Variants in IMPG1 observed in about 807,000 individuals in gnomAD.
IMPG1 encodes the protein interphotoreceptor matrix proteoglycan of 150 kDa.
IMPG1 carries 85 observed loss-of-function variants against 92.0 expected under a neutral mutation model. That is an observed-to-expected ratio of 0.92 (90% CI 0.78 to 1.11). The LOEUF (loss-of-function observed/expected upper bound fraction) is 1.11. IMPG1 is among the 50% of genes least tolerant of loss of function. IMPG1 has a pLI of 0.00. For missense variants in IMPG1, 1,022 were observed against 956.0 expected, an observed-to-expected ratio of 1.07 and a Z score of -0.91; for synonymous variants, 367 against 334.1, an observed-to-expected ratio of 1.10 and a Z score of -1.08.
chr6:76,054,558 G>C (rs1403298016), intron 1 of IMPG1, among the ~76,000 whole-genome samples: 1 of 152,092 alleles, frequency 6.6e-6, no homozygotes, highest in African/African-American at 2.4e-5. Context: ...ATGGAAAAAA[G>C]TTATAATAGA....
intron 15 of IMPG1, chr6:75,928,735 C>T (rs562103347): frequency 9.8e-4 from 150 of 152,310 alleles, no homozygotes; most frequent in African/African-American, 3.4e-3. Context: ...ATCTATTCCA[C>T]ATTTTTATTA....
Position 75,997,499 on chromosome 6 carries a change from A to G in IMPG1, c.1291+5419T>C, listed in dbSNP as rs534833856. On this transcript the variant is annotated intron_variant, in intron 12 of 16. Transcript: ENST00000369950. The stretch of plus-strand genomic sequence containing the variant: ...TTCCCTGCATACCTACGTTTAATCA[A>G]TGTGGTAGTGGGTACATCACATGAG... Among the ~76,000 whole-genome samples the G allele has an allele frequency of 1.6e-4, 25 of 152,298 alleles. No individual in the cohort carries two copies. The South Asian group carries it at 4.3e-3, about 26-fold the overall frequency.
chr6:76,012,378 A>T (rs1170998353), intron 7 of IMPG1, among the ~76,000 whole-genome samples: 1 of 151,938 alleles, frequency 6.6e-6, no homozygotes, highest in African/African-American at 2.4e-5. Context: ...CTCCATCTTC[A>T]TTGCTCCACC....
chr6:76,064,794 C>G (rs554266680), intron 1 of IMPG1, among the ~76,000 whole-genome samples: 2 of 152,144 alleles, frequency 1.3e-5, no homozygotes, highest in African/African-American at 4.8e-5. Flanking sequence ...CTGGCTCTTA[C>G]CAGTAAGTAA....
chr6:75,951,960 AT>A (rs1554228460), intron 12 of IMPG1, among the ~76,000 whole-genome samples: 1 of 152,016 alleles, frequency 6.6e-6, no homozygotes, highest in Non-Finnish European at 1.5e-5. Flanking sequence ...AATAATAATA[AT>A]AATAAAATAC....
chr6:76,065,659 T>C lies in IMPG1; in HGVS notation c.67+6763A>G, dbSNP rs111401105. Among the ~76,000 whole-genome samples the C allele has an allele frequency of 3.6e-3, 547 of 152,188 alleles. 4 individuals are homozygous for C. The highest frequency in any genetic ancestry group is 0.013 in the African/African-American group (521 of 41,568). On this transcript the variant is annotated intron_variant, in intron 1 of 16. Coordinates refer to ENST00000369950, the MANE Select transcript of IMPG1 (RefSeq NM_001563.4). Reference sequence around the variant, plus strand: ...AGTAAAAGGATTGGAAAATATAATTTAGGAAATTCAGGAAAACTTCCCTAA... The same window carrying C: ...AGTAAAAGGATTGGAAAATATAATTCAGGAAATTCAGGAAAACTTCCCTAA...
chr6:75,971,330 A>AC (rs1782411321), intron 12 of IMPG1, among the ~76,000 whole-genome samples: 2 of 88,780 alleles, frequency 2.3e-5, no homozygotes, highest in South Asian at 8.8e-4. Context: ...GGGTCGGGGG[A>AC]GGGGGGAGGG....
chr6:75,996,919 C>T (rs1401855132), intron 12 of IMPG1, among the ~76,000 whole-genome samples: 2 of 152,134 alleles, frequency 1.3e-5, no homozygotes, highest in Non-Finnish European at 2.9e-5. Context: ...TTCAAAAAGG[C>T]AGATGGAATA....
chr6:75,962,814 G>T (rs1485336876), intron 12 of IMPG1, among the ~76,000 whole-genome samples: 1 of 152,206 alleles, frequency 6.6e-6, no homozygotes, highest in Admixed American at 6.5e-5. Flanking sequence ...GCTGAGGCAG[G>T]TGGATCATCT....
intron 1 of IMPG1, among the ~76,000 whole-genome samples, chr6:76,053,147 C>T (rs1164659937): frequency 1.3e-5 from 2 of 152,156 alleles, no homozygotes; most frequent in African/African-American, 4.8e-5. Flanking sequence ...TTTTTGGAAA[C>T]CATCTCCATA....
rs796445096 is a variant in IMPG1 at position 75,974,361 on chromosome 6, TTC to T, written c.1292-23269_1292-23268del. On this transcript the variant is annotated intron_variant, in intron 12 of 16. Coordinates refer to ENST00000369950, the MANE Select transcript of IMPG1 (RefSeq NM_001563.4). ...TTTCTTTCTTTCTTTCTTTCTTTCT[TTC>T]TTTCTTTCTTTCTTTCTTTCTTTCT... Among the ~76,000 whole-genome samples, 495 of 125,566 alleles carry T rather than the reference TTC, an allele frequency of 3.9e-3. 19 individuals are homozygous for T. In the East Asian group the frequency reaches 0.065, roughly 16 times the overall value. The allele number at this position is 125,566 out of a possible 152,430, so 82.4% of individuals were successfully genotyped here.
intron 2 of IMPG1, among the ~76,000 whole-genome samples, chr6:76,039,905 A>C (rs1474279975): frequency 6.6e-6 from 1 of 152,254 alleles, no homozygotes; most frequent in Non-Finnish European, 1.5e-5. Context: ...AGCCCTGGGA[A>C]ATGAAATAAT....
Position 76,041,933 on chromosome 6 carries a change from T to C in IMPG1, c.261A>G (p.Lys87=), listed in dbSNP as rs1270119360. 3 of 1,613,836 alleles carry C rather than the reference T, an allele frequency of 1.9e-6. No individual in the cohort carries two copies. The Admixed American group carries it at 5.0e-5, about 27-fold the overall frequency. Residue 87 remains lysine, a synonymous_variant, in exon 2 of 17, where the codon AAA becomes AAG. Transcript: ENST00000369950. ...AAGCTTGAAGACTGTCTAAAATCTG[T>C]TTCATGGATTCCTGTGGACAGACTT... ...GVKVCPQESM[K]QILDSLQAYY... is the part of the protein sequence containing the mutation.
At chr6:75,966,162 T>A (rs1782305452) in intron 12 of IMPG1, among the ~76,000 whole-genome samples, 1 of 152,218 alleles carries the variant, frequency 6.6e-6, no homozygotes. Flanking sequence ...GTATATAATA[T>A]CAGGGTATTT....
intron 7 of IMPG1, among the ~76,000 whole-genome samples, chr6:76,012,074 A>G (rs1309995360): frequency 1.3e-5 from 2 of 152,160 alleles, no homozygotes; most frequent in African/African-American, 4.8e-5. Flanking sequence ...TTACATTCAA[A>G]ATGGCTGCTG....
At chr6:76,048,549 G>A (rs1783984032) in intron 1 of IMPG1, among the ~76,000 whole-genome samples, 1 of 152,136 alleles carries the variant, frequency 6.6e-6, no homozygotes, top group Non-Finnish European at 1.5e-5. Context: ...CACTTAGGCA[G>A]CAGGTCCCAT....
intron 12 of IMPG1, among the ~76,000 whole-genome samples, chr6:75,994,431 T>C (rs1486866368): frequency 6.6e-6 from 1 of 152,172 alleles, no homozygotes; most frequent in Non-Finnish European, 1.5e-5. Context: ...CAATGAAAAG[T>C]ACTGCTCATA....
intron 13 of IMPG1, 81 bp downstream of exon 13, chr6:75,950,481 G>T: frequency 7.9e-7 from 1 of 1,269,090 alleles, no homozygotes; most frequent in Non-Finnish European, 1.1e-6. Flanking sequence ...AATTGCTCAA[G>T]ACAGCCAATA....
intron 1 of IMPG1, among the ~76,000 whole-genome samples, chr6:76,051,303 G>T (rs929782288): frequency 6.6e-6 from 1 of 152,108 alleles, no homozygotes; most frequent in Non-Finnish European, 1.5e-5. Context: ...AATACAAATC[G>T]TGCTTAACAT....
Sources: gnomAD v4.1 joint callset for allele counts (sites outside exome capture counted in the v4.1 genomes callset) on GRCh38, gnomAD v4.1.1 for gene constraint, MANE v1.5 for transcripts, NCBI Gene and HGNC (gene_info 2026-07-23, HGNC 2026-07-21) for gene names.